The following ADGRB3 variants were observed in gnomAD, a reference collection of about 807,000 sequenced individuals.
ADGRB3 encodes the protein brain-specific angiogenesis inhibitor 3.
Under a neutral mutation model 193.4 loss-of-function variants are expected in ADGRB3, and 37 were observed. The observed-to-expected ratio is 0.19, with a 90% CI of 0.15 to 0.25. The LOEUF (loss-of-function observed/expected upper bound fraction) is 0.25. ADGRB3 is among the 10% of genes least tolerant of loss of function. The probability of loss-of-function intolerance (pLI) is 1.00; values close to 1 mark genes in which losing one functional copy is unlikely to be tolerated. For missense variants in ADGRB3, 1,637 were observed against 1,852.9 expected, an observed-to-expected ratio of 0.88 and a Z score of 2.14; for synonymous variants, 690 against 644.2, an observed-to-expected ratio of 1.07 and a Z score of -1.08.
At chr6:68,860,520 G>A (rs1312881882) in intron 3 of ADGRB3, among the ~76,000 whole-genome samples, 1 of 152,068 alleles carries the variant, frequency 6.6e-6, no homozygotes, top group African/African-American at 2.4e-5. Flanking sequence ...TTTCACTTAG[G>A]ATAATGGCCT....
intron 17 of ADGRB3, among the ~76,000 whole-genome samples, chr6:69,194,817 A>G (rs929798564): frequency 7.2e-5 from 11 of 152,134 alleles, no homozygotes; most frequent in African/African-American, 2.7e-4. Flanking sequence ...GACCTTAGGT[A>G]CTTAGCATCT....
chr6:68,924,521 T>G (rs1290466602), intron 3 of ADGRB3, among the ~76,000 whole-genome samples: 2 of 152,034 alleles, frequency 1.3e-5, no homozygotes, highest in Non-Finnish European at 2.9e-5. Flanking sequence ...GGTAATCACT[T>G]CTACAAAATG....
intron 17 of ADGRB3, among the ~76,000 whole-genome samples, chr6:69,144,429 G>A (rs1356342348): frequency 6.6e-6 from 1 of 152,094 alleles, no homozygotes; most frequent in Middle Eastern, 3.2e-3. Flanking sequence ...ACACTAGCTA[G>A]AATGTACAGT....
At chr6:69,049,667 C>G (rs1377174657) in intron 15 of ADGRB3, among the ~76,000 whole-genome samples, 5 of 152,066 alleles carry the variant, frequency 3.3e-5, no homozygotes, top group Admixed American at 6.5e-5. Context: ...TAAAATTGAT[C>G]TGTCTTCTCC....
chr6:68,924,121 CAT>C (rs939467044), intron 3 of ADGRB3, among the ~76,000 whole-genome samples: 27 of 151,992 alleles, frequency 1.8e-4, no homozygotes, highest in Non-Finnish European at 1.9e-4. Context: ...ACAAATAAAA[CAT>C]ATTTTTAAGC....
intron 6 of ADGRB3, among the ~76,000 whole-genome samples, chr6:68,946,524 C>T (rs62418268): frequency 0.13 from 19,663 of 152,144 alleles, 1,324 homozygotes; most frequent in African/African-American, 0.14. Flanking sequence ...TCAGTGGTTT[C>T]AGGCAACATT....
intron 3 of ADGRB3, among the ~76,000 whole-genome samples, chr6:68,835,644 T>TC: frequency 6.6e-6 from 1 of 151,890 alleles, no homozygotes; most frequent in East Asian, 1.9e-4. Flanking sequence ...CCCTTACATG[T>TC]TTTTTTTAGA....
chr6:69,147,539 C>T (rs771130087), intron 17 of ADGRB3, among the ~76,000 whole-genome samples: 7 of 151,920 alleles, frequency 4.6e-5, no homozygotes, highest in African/African-American at 1.5e-4. Flanking sequence ...TTTAATGTTC[C>T]AACACTAGTT....
intron 17 of ADGRB3, among the ~76,000 whole-genome samples, chr6:69,227,072 T>A (rs1476630504): frequency 6.6e-6 from 1 of 152,210 alleles, no homozygotes; most frequent in East Asian, 1.9e-4. Flanking sequence ...GATGGGAAGT[T>A]ACTGATGGAT....
rs1772868869 is a variant in ADGRB3 at position 69,096,127 on chromosome 6, G to T, written c.2480+20089G>T. Among the ~76,000 whole-genome samples, 2 of 152,242 alleles carry T rather than the reference G, an allele frequency of 1.3e-5. 1 individual carries two copies. Among genetic ancestry groups the T allele is most frequent in the South Asian group, 4.1e-4 (2 of 4,822 alleles). ...GAACTTTGAAAATAATTCAGTTGAA[G>T]TGTTTTAAAATGACAAGGTCTGGAA... On this transcript the variant is annotated intron_variant, in intron 17 of 31. Transcript: ENST00000370598.
intron 15 of ADGRB3, 131 bp downstream of exon 15, chr6:69,049,477 A>C: frequency 1.6e-6 from 1 of 632,818 alleles, no homozygotes; most frequent in South Asian, 2.5e-5. Flanking sequence ...AATAGAAAAT[A>C]CAAATTTAAT....
intron 15 of ADGRB3, among the ~76,000 whole-genome samples, 187 bp downstream of exon 15, chr6:69,049,533 T>C (rs1771333526): frequency 6.6e-6 from 1 of 152,200 alleles, no homozygotes; most frequent in Admixed American, 6.5e-5. Context: ...CTAGAAAAGA[T>C]AATTTTGGTG....
intron 6 of ADGRB3, among the ~76,000 whole-genome samples, chr6:68,951,380 T>C (rs1233301814): frequency 1.3e-5 from 2 of 152,118 alleles, no homozygotes; most frequent in East Asian, 1.9e-4. Context: ...GCACTCCCTA[T>C]CACATCGCCC....
At chr6:69,019,802 C>CAA (rs1770208427) in intron 13 of ADGRB3, among the ~76,000 whole-genome samples, 1 of 151,924 alleles carries the variant, frequency 6.6e-6, no homozygotes, top group Non-Finnish European at 1.5e-5. Context: ...GCTGTACCTT[C>CAA]TTATGGACAA....
chr6:68,978,142 G>C (rs956953507), intron 10 of ADGRB3, among the ~76,000 whole-genome samples: 25 of 151,552 alleles, frequency 1.6e-4, no homozygotes, highest in African/African-American at 6.0e-4. Context: ...CATTGTGAAA[G>C]AGTTGTGTAA....
At chr6:68,637,112 A>G (rs923434975) in intron 1 of ADGRB3, among the ~76,000 whole-genome samples, 4 of 152,026 alleles carry the variant, frequency 2.6e-5, no homozygotes, top group Non-Finnish European at 5.9e-5. Context: ...CACTGTTTTG[A>G]TGGTCCCAGC....
chr6:68,757,665 T>C (rs1257330752), intron 3 of ADGRB3, among the ~76,000 whole-genome samples: 3 of 152,216 alleles, frequency 2.0e-5, no homozygotes, highest in Middle Eastern at 6.8e-3. Context: ...GTCCCAAAGA[T>C]GCTTGAGACT....
chr6:68,957,909 C>T (rs9360368), intron 8 of ADGRB3, among the ~76,000 whole-genome samples: 2 of 151,738 alleles, frequency 1.3e-5, no homozygotes, highest in East Asian at 1.9e-4. Flanking sequence ...TAAAAAAGAT[C>T]GAAAATTAGG....
intron 13 of ADGRB3, among the ~76,000 whole-genome samples, chr6:69,037,860 A>G (rs989498427): frequency 3.3e-5 from 5 of 152,052 alleles, no homozygotes; most frequent in African/African-American, 1.2e-4. Flanking sequence ...AGCTTTCTCT[A>G]TTTAGTATAG....
Sources: gnomAD v4.1 joint callset for allele counts (sites outside exome capture counted in the v4.1 genomes callset) on GRCh38, gnomAD v4.1.1 for gene constraint, MANE v1.5 for transcripts, NCBI Gene and HGNC (gene_info 2026-07-23, HGNC 2026-07-21) for gene names.